Variants in EXOC4 observed in about 807,000 individuals in gnomAD.
The protein encoded by EXOC4 is exocyst complex component 4.
EXOC4 carries 71 observed loss-of-function variants against 107.2 expected under a neutral mutation model. The observed-to-expected ratio is 0.66, with a 90% confidence interval of 0.55 to 0.81. The LOEUF (loss-of-function observed/expected upper bound fraction) is 0.81, where lower values mean the gene tolerates loss of function less well. EXOC4 is among the 30% of genes least tolerant of loss of function. EXOC4 has a pLI of 0.00. For missense variants in EXOC4, 1,108 were observed against 1,189.6 expected (o/e 0.93, Z 1.01); for synonymous variants, 456 against 441.2 (o/e 1.03, Z -0.42).
At chr7:133,361,561 T>C (rs1224848395) in intron 6 of EXOC4, among the ~76,000 whole-genome samples, 1 of 152,244 alleles carries the variant, frequency 6.6e-6, no homozygotes, top group African/African-American at 2.4e-5. Flanking sequence ...AAATTTTAAC[T>C]GTTGCCAACT....
At chr7:133,758,213 C>T (rs1249087198) in intron 10 of EXOC4, among the ~76,000 whole-genome samples, 2 of 152,038 alleles carry the variant, frequency 1.3e-5, no homozygotes, top group South Asian at 2.1e-4. Flanking sequence ...TGGCGTGTCT[C>T]GGCTCACTGC....
intron 11 of EXOC4, among the ~76,000 whole-genome samples, chr7:133,848,274 A>G (rs893475506): frequency 1.3e-5 from 2 of 152,174 alleles, no homozygotes; most frequent in Non-Finnish European, 1.5e-5. Flanking sequence ...GGAGAAGAGG[A>G]GGATGCCCCC....
intron 10 of EXOC4, among the ~76,000 whole-genome samples, chr7:133,728,016 C>T (rs889583321): frequency 6.6e-6 from 1 of 152,174 alleles, no homozygotes; most frequent in Admixed American, 6.5e-5. Context: ...TCATTGCCGA[C>T]TTGGCAGTTT....
chr7:134,054,523 A>G (rs1355969951), intron 17 of EXOC4, among the ~76,000 whole-genome samples: 1 of 152,108 alleles, frequency 6.6e-6, no homozygotes, highest in Non-Finnish European at 1.5e-5. Context: ...GTTCACTAAC[A>G]TTGGCCCCTT....
chr7:133,344,498 A>G (rs1795739996), intron 5 of EXOC4, among the ~76,000 whole-genome samples: 1 of 152,146 alleles, frequency 6.6e-6, no homozygotes, highest in Admixed American at 6.5e-5. Flanking sequence ...TTGTTTTGGT[A>G]GCATCGGAAG....
chr7:133,456,638 C>CA (rs1798469067), intron 7 of EXOC4, among the ~76,000 whole-genome samples: 1 of 152,128 alleles, frequency 6.6e-6, no homozygotes. Context: ...AACTTGAAGG[C>CA]AGGTGTACCT....
intron 10 of EXOC4, among the ~76,000 whole-genome samples, chr7:133,798,983 A>C (rs973178134): frequency 6.6e-6 from 1 of 152,150 alleles, no homozygotes; most frequent in African/African-American, 2.4e-5. Context: ...AATAAGGCTG[A>C]AGCTGCGATT....
At chr7:133,737,899 ATTTTTCTTTCT>A (rs1421697538) in intron 10 of EXOC4, among the ~76,000 whole-genome samples, 12 of 54,882 alleles carry the variant, frequency 2.2e-4, no homozygotes, top group Admixed American at 7.0e-4. Flanking sequence ...GTGCCTCTTG[ATTTTTCTTTCT>A]TTTTTTTTTT....
chr7:133,525,817 T>G (rs1413511789), intron 9 of EXOC4, among the ~76,000 whole-genome samples: 1 of 152,202 alleles, frequency 6.6e-6, no homozygotes, highest in Non-Finnish European at 1.5e-5. Context: ...TGTAGTTGTC[T>G]GTAATCATAG....
intron 10 of EXOC4, among the ~76,000 whole-genome samples, chr7:133,814,249 A>G (rs1263839241): frequency 2.0e-5 from 3 of 152,126 alleles, no homozygotes; most frequent in Non-Finnish European, 4.4e-5. Context: ...TATAGAGGTT[A>G]GTGTAGTAAA....
intron 9 of EXOC4, among the ~76,000 whole-genome samples, chr7:133,565,375 A>G: frequency 6.6e-6 from 1 of 152,176 alleles, no homozygotes; most frequent in East Asian, 1.9e-4. Context: ...CACGTAAAAT[A>G]CTGCCTTGAC....
intron 5 of EXOC4, among the ~76,000 whole-genome samples, chr7:133,354,839 C>A (rs894266596): frequency 9.2e-5 from 14 of 152,132 alleles, no homozygotes; most frequent in African/African-American, 3.4e-4. Flanking sequence ...AATTTACCAT[C>A]CAAGTGTTCC....
chr7:133,509,405 G>A (rs1043240046), intron 9 of EXOC4, among the ~76,000 whole-genome samples: 3 of 151,862 alleles, frequency 2.0e-5, no homozygotes, highest in Non-Finnish European at 2.9e-5. Context: ...TCCAGCCTGG[G>A]CAACAGAGCA....
intron 7 of EXOC4, among the ~76,000 whole-genome samples, chr7:133,382,897 C>T (rs891805136): frequency 2.6e-5 from 4 of 152,130 alleles, no homozygotes; most frequent in African/African-American, 7.2e-5. Flanking sequence ...TTTGTCTCAG[C>T]GTGTTTTTGT....
At chr7:133,262,956 T>C (rs1795186825) in intron 1 of EXOC4, among the ~76,000 whole-genome samples, 1 of 152,166 alleles carries the variant, frequency 6.6e-6, no homozygotes, top group Admixed American at 6.5e-5. Flanking sequence ...GGCAGGTCTT[T>C]CCTGTGCTGT....
intron 14 of EXOC4, among the ~76,000 whole-genome samples, chr7:133,979,748 ACTGCACTCCAGC>A (rs1280037373): frequency 6.6e-6 from 1 of 151,922 alleles, no homozygotes; most frequent in African/African-American, 2.4e-5. Flanking sequence ...AGATCGCACC[ACTGCACTCCAGC>A]CTGGGCGACA....
intron 10 of EXOC4, among the ~76,000 whole-genome samples, chr7:133,746,924 A>T (rs1025762689): frequency 1.3e-5 from 2 of 152,164 alleles, no homozygotes; most frequent in African/African-American, 4.8e-5. Flanking sequence ...CTTTAGAGAA[A>T]GCAAAAACAG....
intron 1 of EXOC4, among the ~76,000 whole-genome samples, chr7:133,257,109 C>T (rs1795035821): frequency 6.6e-6 from 1 of 152,050 alleles, no homozygotes; most frequent in African/African-American, 2.4e-5. Context: ...CAGAAGAGGC[C>T]CTTAGGCCTG....
intron 7 of EXOC4, among the ~76,000 whole-genome samples, chr7:133,450,974 C>T (rs1305768883): frequency 6.6e-6 from 1 of 152,172 alleles, no homozygotes; most frequent in African/African-American, 2.4e-5. Flanking sequence ...AGCTGCCTCT[C>T]AGGCCAGCAA....
Sources: gnomAD v4.1 joint callset for allele counts (sites outside exome capture counted in the v4.1 genomes callset) on GRCh38, gnomAD v4.1.1 for gene constraint, MANE v1.5 for transcripts, NCBI Gene and HGNC (gene_info 2026-07-23, HGNC 2026-07-21) for gene names.